CNTN5: variants seen among roughly 807,000 people sequenced by gnomAD.
CNTN5 encodes the protein contactin 5.
CNTN5 carries 77 observed loss-of-function variants against 129.1 expected under a neutral mutation model. The ratio of observed to expected loss-of-function variants is 0.60; its 90% CI spans 0.50 to 0.72. The LOEUF (loss-of-function observed/expected upper bound fraction) is 0.72, where lower values mean the gene tolerates loss of function less well. CNTN5 is among the 30% of genes least tolerant of loss of function. The pLI is 0.00. For missense variants in CNTN5, 1,478 were observed against 1,328.8 expected (o/e 1.11, Z -1.75); for synonymous variants, 509 against 465.6 (o/e 1.09, Z -1.20).
intron 2 of CNTN5, among the ~76,000 whole-genome samples, chr11:99,329,133 A>C (rs1429191711): frequency 6.6e-6 from 1 of 152,128 alleles, no homozygotes; most frequent in Non-Finnish European, 1.5e-5. Context: ...ATATTTTCCA[A>C]GTTGAAGTTC....
At chr11:99,754,434 G>A (rs1944345076) in intron 3 of CNTN5, among the ~76,000 whole-genome samples, 1 of 152,006 alleles carries the variant, frequency 6.6e-6, no homozygotes, top group South Asian at 2.1e-4. Context: ...AAAAGTTTTA[G>A]CCATCTCTCT....
intron 7 of CNTN5, among the ~76,000 whole-genome samples, chr11:99,923,732 A>G (rs529391591): frequency 6.7e-6 from 1 of 149,036 alleles, no homozygotes; most frequent in African/African-American, 2.5e-5. Context: ...CCTCACCAAT[A>G]TCTGTCTATC....
chr11:99,772,550 C>T (rs1355780613), intron 3 of CNTN5, among the ~76,000 whole-genome samples: 1 of 152,028 alleles, frequency 6.6e-6, no homozygotes, highest in South Asian at 2.1e-4. Flanking sequence ...TTCACTGATA[C>T]TGCAGCTCAC....
At chr11:99,638,700 C>T (rs1951657011) in intron 3 of CNTN5, among the ~76,000 whole-genome samples, 1 of 152,172 alleles carries the variant, frequency 6.6e-6, no homozygotes, top group Non-Finnish European at 1.5e-5. Flanking sequence ...AATTTTAAAG[C>T]TCCAAAATGA....
intron 21 of CNTN5, among the ~76,000 whole-genome samples, chr11:100,317,631 T>A (rs776776520): frequency 2.6e-5 from 4 of 152,208 alleles, no homozygotes; most frequent in Non-Finnish European, 5.9e-5. Context: ...AAAATTACGT[T>A]TTCTGAAAAT....
At chr11:99,868,555 T>A (rs1948417918) in intron 6 of CNTN5, among the ~76,000 whole-genome samples, 1 of 152,214 alleles carries the variant, frequency 6.6e-6, no homozygotes, top group African/African-American at 2.4e-5. Flanking sequence ...CGCAAACTAT[T>A]CATATAGTAA....
chr11:99,149,988 C>T (rs1859969732), intron 1 of CNTN5, among the ~76,000 whole-genome samples: 1 of 151,690 alleles, frequency 6.6e-6, no homozygotes, highest in African/African-American at 2.4e-5. Context: ...TATTATGATA[C>T]CTGGTAAATA....
chr11:99,257,933 C>T (rs1862450272), intron 1 of CNTN5, among the ~76,000 whole-genome samples: 1 of 151,960 alleles, frequency 6.6e-6, no homozygotes, highest in African/African-American at 2.4e-5. Flanking sequence ...CTATTTTACG[C>T]TTAAGAGACA....
At chr11:99,705,588 T>C (rs1954720912) in intron 3 of CNTN5, among the ~76,000 whole-genome samples, 1 of 151,430 alleles carries the variant, frequency 6.6e-6, no homozygotes, top group Non-Finnish European at 1.5e-5. Context: ...CAGGTTTGCT[T>C]GTTCTAGAGC....
chr11:100,154,034 T>C (rs1423046317), intron 13 of CNTN5, among the ~76,000 whole-genome samples: 1 of 152,002 alleles, frequency 6.6e-6, no homozygotes, highest in Non-Finnish European at 1.5e-5. Flanking sequence ...ACACTGTAAG[T>C]TCTGGGGTAC....
chr11:100,316,657 T>C (rs1251920031), intron 21 of CNTN5, among the ~76,000 whole-genome samples: 1 of 152,200 alleles, frequency 6.6e-6, no homozygotes. Flanking sequence ...AATGAAACTT[T>C]TTTCACTAGA....
intron 15 of CNTN5, among the ~76,000 whole-genome samples, chr11:100,201,351 A>T (rs1031534679): frequency 7.2e-5 from 11 of 151,914 alleles, no homozygotes; most frequent in Non-Finnish European, 1.3e-4. Flanking sequence ...CAAAAAAAAA[A>T]AGTCTTAATT....
chr11:99,075,610 C>A (rs1865529797), intron 1 of CNTN5, among the ~76,000 whole-genome samples: 1 of 152,120 alleles, frequency 6.6e-6, no homozygotes, highest in South Asian at 2.1e-4. Flanking sequence ...AGGAAACTTT[C>A]TTGTTTTCTC....
intron 3 of CNTN5, among the ~76,000 whole-genome samples, chr11:99,584,453 G>A (rs1180667823): frequency 1.3e-5 from 2 of 152,142 alleles, no homozygotes; most frequent in African/African-American, 2.4e-5. Flanking sequence ...ATACAATAAT[G>A]TTATTGGCCT....
chr11:99,293,128 A>G (rs1464641065), intron 1 of CNTN5, among the ~76,000 whole-genome samples: 1 of 135,786 alleles, frequency 7.4e-6, no homozygotes, highest in Non-Finnish European at 1.6e-5. Flanking sequence ...GACTTTTTTT[A>G]TTATGAAGAG....
intron 3 of CNTN5, among the ~76,000 whole-genome samples, chr11:99,766,907 A>C (rs545670902): frequency 1.3e-4 from 20 of 152,104 alleles, no homozygotes; most frequent in Non-Finnish European, 2.9e-4. Flanking sequence ...TATCAGCTTT[A>C]AAAAAGACAG....
chr11:99,532,053 G>A (rs553070336), intron 2 of CNTN5, among the ~76,000 whole-genome samples: 12 of 152,078 alleles, frequency 7.9e-5, no homozygotes, highest in African/African-American at 2.2e-4. Context: ...AGCTTGCCCC[G>A]TGTGCCTGGA....
At chr11:99,686,367 A>AT (rs1035479356) in intron 3 of CNTN5, among the ~76,000 whole-genome samples, 9 of 151,544 alleles carry the variant, frequency 5.9e-5, no homozygotes, top group African/African-American at 1.9e-4. Flanking sequence ...TTTATTTTGA[A>AT]TTTTTTTCTG....
intron 3 of CNTN5, among the ~76,000 whole-genome samples, chr11:99,609,186 A>C (rs1190162593): frequency 6.6e-6 from 1 of 152,186 alleles, no homozygotes; most frequent in Non-Finnish European, 1.5e-5. Context: ...GTGCTTATTT[A>C]TACTTATGGT....
Sources: gnomAD v4.1 joint callset for allele counts (sites outside exome capture counted in the v4.1 genomes callset) on GRCh38, gnomAD v4.1.1 for gene constraint, MANE v1.5 for transcripts, NCBI Gene and HGNC (gene_info 2026-07-23, HGNC 2026-07-21) for gene names.